The following CNPY4 variants were observed in gnomAD, a reference collection of about 807,000 sequenced individuals.
CNPY4 encodes the protein canopy FGF signaling regulator 4.
In CNPY4, 33 loss-of-function variants were observed where a neutral mutation model predicts 30.1. That is an observed-to-expected ratio of 1.10 (90% CI 0.83 to 1.46). The LOEUF is 1.46. Ranked by LOEUF, CNPY4 falls within the 40% of genes most tolerant of loss-of-function variation. The pLI is 0.00. For synonymous variants in CNPY4, 109 were observed against 110.1 expected (o/e 0.99, Z 0.06); for missense variants, 324 against 302.6 (o/e 1.07, Z -0.52).
intron 1 of CNPY4, chr7:100,122,049 G>GA (rs111511573): frequency 0.64 from 200,332 of 313,642 alleles, 55,648 homozygotes; most frequent in African/African-American, 0.88. Context: ...GAGTCCGTCT[G>GA]AAAAAAAAAA....
intron 4 of CNPY4, chr7:100,124,283 T>C (rs921516732): frequency 4.0e-5 from 20 of 504,006 alleles, no homozygotes; most frequent in African/African-American, 3.5e-4. Flanking sequence ...GCAATTACCA[T>C]ACATATTTTA....
chr7:100,121,939 AC>A (rs1798085313), intron 1 of CNPY4: 1 of 258,822 alleles, frequency 3.9e-6, no homozygotes, highest in Non-Finnish European at 7.6e-6. Flanking sequence ...AGTCCCAGCT[AC>A]TCGGGAGACT....
chr7:100,123,579 G>A (rs1011437711), intron 4 of CNPY4, among the ~76,000 whole-genome samples: 26 of 151,854 alleles, frequency 1.7e-4, no homozygotes, highest in Admixed American at 9.2e-4. Flanking sequence ...GGAGTGCACC[G>A]GCACCATCTC....
In CNPY4 at chr7:100,124,893, T is replaced by C. The variant is rs770352357; in HGVS notation, c.*5T>C. 3.2e-6 allele frequency: 5 copies of C among 1,579,852 alleles called. No individual in the cohort carries two copies. In the African/African-American group the frequency reaches 6.8e-5, roughly 21 times the overall value. ...CTTGACCGAGAAGATCTTTGACCCT[T>C]GCCTTTGAGCCCCCAGGAGGGGAAG... On this transcript the variant is annotated 3_prime_UTR_variant, in exon 6 of 6. Coordinates refer to ENST00000262932, the MANE Select transcript of CNPY4 (RefSeq NM_152755.2).
Position 100,119,873 on chromosome 7 carries a change from G to T in CNPY4, c.118+11G>T, listed in dbSNP as rs764201928. ...CCAGCAAATGCGAAGGTATTTGAAG[G>T]GGGTAGCCCCTATAGGCATCGCCCG... On this transcript the variant is annotated intron_variant, in intron 1 of 5. Transcript: ENST00000262932. The T allele has an allele frequency of 1.2e-6, 2 of 1,607,078 alleles. No individual in the cohort carries two copies. Among genetic ancestry groups the T allele is most frequent in the Non-Finnish European group, 1.7e-6 (2 of 1,176,616 alleles).
In CNPY4 at chr7:100,124,574, G is replaced by A. The variant is rs757977425; in HGVS notation, c.526G>A (p.Glu176Lys). The part of the protein sequence containing the change: ...IVGDWYFHHQ[E>K]QPLQNFLCEG... ...GGGAGACTGGTACTTCCACCATCAG[G>A]AGCAGCCCCTACAAAATTTTCTCTG... is the stretch of plus-strand genomic sequence containing the variant. Residue 176 changes from glutamate (E) to lysine (K), a missense_variant, in exon 5 of 6, where the codon GAG (glutamate) becomes AAG (lysine). Coordinates refer to ENST00000262932, the MANE Select transcript of CNPY4 (RefSeq NM_152755.2). 3.7e-6 allele frequency: 6 copies of A among 1,612,932 alleles called. No individual in the cohort carries two copies. Among genetic ancestry groups the A allele is most frequent in the East Asian group, 2.2e-5 (1 of 44,840 alleles).
Position 100,121,087 on chromosome 7 carries a change from ATT to A in CNPY4, c.119-1169_119-1168del, listed in dbSNP as rs1477679765. On this transcript the variant is annotated intron_variant, in intron 1 of 5. Transcript: ENST00000262932. ...ATACTATTATTATCCAATTGTATTAATTTTATATATATATATATATATATATA... is the reference window on the plus strand; with the variant it reads ...ATACTATTATTATCCAATTGTATTAATTATATATATATATATATATATATA... 212 of 44,938 alleles carry A rather than the reference ATT, an allele frequency of 4.7e-3. 3 individuals carry two copies. Among genetic ancestry groups the A allele is most frequent in the African/African-American group, 0.015 (139 of 9,036 alleles). 2.8% of individuals were successfully genotyped at this position (44,938 alleles called of 1,614,324 possible).
Position 100,124,804 on chromosome 7 carries a change from GGAGGAGGAA to G in CNPY4, c.678_686del (p.Glu227_Glu229del), listed in dbSNP as rs753779348. On this transcript the variant is annotated inframe_deletion, in exon 6 of 6. Coordinates refer to ENST00000262932, the MANE Select transcript of CNPY4 (RefSeq NM_152755.2). Reference sequence around the variant, plus strand: ...CAGAAGGGGAGGAAGAGCAGGAGGAGGAGGAGGAAGAGGAGGAAGAGGAAGGGGGAGACA... The same window carrying G: ...CAGAAGGGGAGGAAGAGCAGGAGGAGGAGGAGGAAGAGGAAGGGGGAGACA... 184 of 1,613,636 alleles carry G rather than the reference GGAGGAGGAA, an allele frequency of 1.1e-4. No individual in the cohort carries two copies. The highest frequency in any genetic ancestry group is 1.7e-4 in the Middle Eastern group (1 of 6,060).
rs766317391 is a variant in CNPY4 at position 100,119,825 on chromosome 7, G to A, written c.81G>A (p.Glu27=). The A allele has an allele frequency of 2.5e-6, 4 of 1,613,636 alleles. No homozygotes were observed. The highest frequency in any genetic ancestry group is 1.3e-5 in the African/African-American group (1 of 74,902). ...CTTGGGCTGGGATGTTGAAGGAGGA[G>A]GACGATGACACAGAACGCTTGCCCA... ...HEAWAGMLKE[E]DDDTERLPSK... Residue 27 remains glutamate (E), a synonymous_variant, in exon 1 of 6, where the codon GAG becomes GAA. Coordinates refer to ENST00000262932, the MANE Select transcript of CNPY4 (RefSeq NM_152755.2).
rs555173695 is a variant in CNPY4, at chr7:100,119,962, T to G, written c.118+100T>G. 1.7e-5 allele frequency: 19 copies of G among 1,098,466 alleles called. No individual in the cohort carries two copies. In the African/African-American group the frequency reaches 3.1e-4, roughly 18 times the overall value. The allele number at this position is 1,098,466 out of a possible 1,614,324, so 68.0% of individuals were successfully genotyped here. On this transcript the variant is annotated intron_variant, in intron 1 of 5. Transcript: ENST00000262932. The stretch of plus-strand genomic sequence containing the variant: ...TATTGGGTGGGTCACCCGACCTCCT[T>G]GAAGGCTTGAGGGAGGTTCTGGTGG...
rs761555752 is a variant in CNPY4, at chr7:100,122,263, TAAG to T, written c.124_126del (p.Lys42del). The T allele has an allele frequency of 5.3e-5, 86 of 1,613,830 alleles. No individual in the cohort carries two copies. The highest frequency in any genetic ancestry group is 7.0e-5 in the Non-Finnish European group (83 of 1,179,984). The stretch of plus-strand genomic sequence containing the variant: ...GACGTTTCTCCTCCCCACCAGTGTG[TAAG>T]CTGCTGAGCACAGAGCTACAGGCGG... On this transcript the variant is annotated inframe_deletion, in exon 2 of 6. Transcript: ENST00000262932.
At chr7:100,122,690 G>C (rs1798108488) in intron 3 of CNPY4, 94 bp from the exon 4 acceptor site, 3 of 1,528,194 alleles carry the variant, frequency 2.0e-6, no homozygotes, top group Middle Eastern at 1.8e-4. Context: ...ACTCACCCTT[G>C]AATCTCCAGT....
At chr7:100,122,018 A>G (rs372605846) in intron 1 of CNPY4, 8 of 417,612 alleles carry the variant, frequency 1.9e-5, no homozygotes, top group Middle Eastern at 7.4e-4. Flanking sequence ...CCACTGCACT[A>G]CAGCCTGGGC....
Position 100,122,306 on chromosome 7 carries a change from GGTC to G in CNPY4, c.168_170del (p.Arg57del). 1 of 1,599,012 alleles carries G rather than the reference GGTC, an allele frequency of 6.3e-7. No individual in the cohort carries two copies. Among genetic ancestry groups the G allele is most frequent in the Non-Finnish European group, 8.5e-7 (1 of 1,171,210 alleles). ...GCTACAGGCGGAACTGAGTCGCACC[GGTC>G]GATCTCGAGAGGTGCTGGAGCTGGG... On this transcript the variant is annotated inframe_deletion, in exon 2 of 6. Coordinates refer to ENST00000262932, the MANE Select transcript of CNPY4 (RefSeq NM_152755.2).
In CNPY4 at chr7:100,124,985, G is replaced by C. The variant is rs1798175885; in HGVS notation, c.*97G>C. ...CACAGCTTTCAGGGTGTGTTTATGAGTGACTCCACCCAAGCTTGTAGCTGT... is the reference window on the plus strand; with the variant it reads ...CACAGCTTTCAGGGTGTGTTTATGACTGACTCCACCCAAGCTTGTAGCTGT... On this transcript the variant is annotated 3_prime_UTR_variant, in exon 6 of 6. Transcript: ENST00000262932. 7.2e-7 allele frequency: 1 copy of C among 1,389,332 alleles called. No individual in the cohort carries two copies. Among genetic ancestry groups the C allele is most frequent in the East Asian group, 2.3e-5 (1 of 43,398 alleles). The allele number at this position is 1,389,332 out of a possible 1,614,324, so 86.1% of individuals were successfully genotyped here. A position where few individuals can be genotyped will look rare whatever the true frequency, so the allele number is the denominator to read the frequency against.
intron 1 of CNPY4, chr7:100,121,111 T>TATATATACAC (rs1562938270): frequency 5.7e-5 from 2 of 35,350 alleles, no homozygotes; most frequent in African/African-American, 1.2e-4. Context: ...TATATATATA[T>TATATATACAC]ATATATTTTT....
chr7:100,122,309 C>T lies in CNPY4; in HGVS notation c.169C>T (p.Arg57Ter), dbSNP rs537019181. Reference sequence around the variant, plus strand: ...ACAGGCGGAACTGAGTCGCACCGGTCGATCTCGAGAGGTGCTGGAGCTGGG... The same window carrying T: ...ACAGGCGGAACTGAGTCGCACCGGTTGATCTCGAGAGGTGCTGGAGCTGGG... ...ELQAELSRTG[R>*]SREVLELGQV... Residue 57 changes from arginine (R) to a stop codon, truncating the protein, a stop_gained, in exon 2 of 6, where the codon CGA becomes TGA. Coordinates refer to ENST00000262932, the MANE Select transcript of CNPY4 (RefSeq NM_152755.2). LOFTEE classifies it high-confidence loss of function. 32 of 1,614,044 alleles carry T rather than the reference C, an allele frequency of 2.0e-5. 1 individual carries two copies. In the East Asian group the frequency reaches 7.1e-4, roughly 36 times the overall value.
intron 3 of CNPY4, 41 bp downstream of exon 3, chr7:100,122,618 C>T (rs769360603): frequency 6.4e-7 from 1 of 1,550,822 alleles, no homozygotes; most frequent in South Asian, 1.2e-5. Flanking sequence ...TTCTCAGATA[C>T]AAAGATCTGT....
intron 1 of CNPY4, among the ~76,000 whole-genome samples, chr7:100,121,878 G>A (rs1191987842): frequency 5.9e-4 from 76 of 129,770 alleles, no homozygotes; most frequent in Non-Finnish European, 5.1e-4. Flanking sequence ...GTGAAACCCT[G>A]TCTCTACTAA....
Sources: allele counts gnomAD v4.1 joint callset (sites outside exome capture counted in the v4.1 genomes callset), GRCh38; gene constraint gnomAD v4.1.1; transcripts MANE v1.5; gene names NCBI Gene and HGNC (gene_info 2026-07-23, HGNC 2026-07-21).